Variants in TRPC4 observed in about 807,000 individuals in gnomAD.
TRPC4 encodes short transient receptor potential channel 4.
In TRPC4, 49 loss-of-function variants were observed where a neutral mutation model predicts 99.4. That is an observed-to-expected ratio of 0.49 (90% CI 0.39 to 0.63). The LOEUF (loss-of-function observed/expected upper bound fraction) is 0.63. Ranked by LOEUF, TRPC4 falls within the 20% of genes least tolerant of loss-of-function variation. TRPC4 has a pLI of 0.00. For synonymous variants in TRPC4, 454 were observed against 425.9 expected, an observed-to-expected ratio of 1.07 and a Z score of -0.81; for missense variants, 898 against 1,152.9, an observed-to-expected ratio of 0.78 and a Z score of 3.20.
chr13:37,855,273 A>G (rs903921404), intron 1 of TRPC4, among the ~76,000 whole-genome samples: 1 of 150,160 alleles, frequency 6.7e-6, no homozygotes, highest in Non-Finnish European at 1.5e-5. Context: ...AAAGGAGTCA[A>G]TCCAGCAACA....
At chr13:37,752,162 A>C (rs1955952618) in intron 2 of TRPC4, among the ~76,000 whole-genome samples, 1 of 145,140 alleles carries the variant, frequency 6.9e-6, no homozygotes. Flanking sequence ...CATAAAAATT[A>C]TTTGCTAACT....
intron 8 of TRPC4, among the ~76,000 whole-genome samples, chr13:37,650,635 A>ACACACACACACACACACACACACACACC (rs1952017081): frequency 6.6e-6 from 1 of 151,042 alleles, no homozygotes; most frequent in African/African-American, 2.4e-5. Context: ...ACACACACAC[A>ACACACACACACACACACACACACACACC]TATATATATA....
Position 37,633,427 on chromosome 13 carries a change from A to G in TRPC4, c.*3476T>C, listed in dbSNP as rs1951435342. ...GGACTAAGAATGGACAGATTTCAAAACTTGGTGGCCTCTCTTCAATAAAGA... is the reference window on the plus strand; with the variant it reads ...GGACTAAGAATGGACAGATTTCAAAGCTTGGTGGCCTCTCTTCAATAAAGA... On this transcript the variant is annotated 3_prime_UTR_variant, in exon 11 of 11. Transcript: ENST00000379705. Among the ~76,000 whole-genome samples the G allele has an allele frequency of 6.6e-6, 1 of 152,124 alleles. No individual in the cohort carries two copies. Among genetic ancestry groups the G allele is most frequent in the Non-Finnish European group, 1.5e-5 (1 of 68,018 alleles).
intron 1 of TRPC4, among the ~76,000 whole-genome samples, chr13:37,852,197 C>T (rs1959077036): frequency 6.6e-6 from 1 of 152,218 alleles, no homozygotes; most frequent in African/African-American, 2.4e-5. Flanking sequence ...CAAGGCAGTG[C>T]AACTCACAGG....
Position 37,655,272 on chromosome 13 carries a change from G to A in TRPC4, c.1700C>T (p.Thr567Ile). Residue 567 changes from threonine to isoleucine, a missense_variant, in exon 7 of 11, where the codon ACA becomes ATA. This residue lies in a region of TRPC4 where 274 missense variants were observed against 454.9 expected (regional missense o/e 0.60). Coordinates refer to ENST00000379705, the MANE Select transcript of TRPC4 (RefSeq NM_016179.4). Reference protein sequence around the residue: ...QNNAFSTLFETLQSLFWSIFG... With the variant: ...QNNAFSTLFEILQSLFWSIFG... Reference sequence around the variant, plus strand: ...TATTGACCAAAACAGGGACTGCAGTGTCTCAAATAACCTGTAATAAAGATA... The same window carrying A: ...TATTGACCAAAACAGGGACTGCAGTATCTCAAATAACCTGTAATAAAGATA... 1 of 1,563,038 alleles carries A rather than the reference G, an allele frequency of 6.4e-7. No homozygotes were observed. The highest frequency in any genetic ancestry group is 8.7e-7 in the Non-Finnish European group (1 of 1,152,870).
intron 1 of TRPC4, among the ~76,000 whole-genome samples, chr13:37,824,858 T>G (rs1958151312): frequency 6.6e-6 from 1 of 152,106 alleles, no homozygotes. Flanking sequence ...TACCAGTTCC[T>G]CCTTGTACCT....
intron 3 of TRPC4, among the ~76,000 whole-genome samples, chr13:37,730,768 G>C (rs948616047): frequency 1.3e-5 from 2 of 152,042 alleles, no homozygotes; most frequent in African/African-American, 4.8e-5. Flanking sequence ...TTCTTACTTA[G>C]AGAATTTTTA....
chr13:37,770,065 T>G (rs1353034283), intron 2 of TRPC4, among the ~76,000 whole-genome samples: 1 of 151,524 alleles, frequency 6.6e-6, no homozygotes, highest in Non-Finnish European at 1.5e-5. Flanking sequence ...CCCTGAAATA[T>G]TTCCTTTTAT....
At chr13:37,817,507 G>A (rs764643118) in intron 1 of TRPC4, among the ~76,000 whole-genome samples, 4 of 151,770 alleles carry the variant, frequency 2.6e-5, no homozygotes, top group Non-Finnish European at 5.9e-5. Context: ...GATTCTTCAG[G>A]GTAGTAGAGA....
chr13:37,753,910 G>A (rs1416527169), intron 2 of TRPC4, among the ~76,000 whole-genome samples: 1 of 152,070 alleles, frequency 6.6e-6, no homozygotes, highest in Admixed American at 6.6e-5. Flanking sequence ...GGTTGATAAA[G>A]AGGCTTTTCT....
chr13:37,832,574 T>C (rs900344969), intron 1 of TRPC4, among the ~76,000 whole-genome samples: 22 of 151,914 alleles, frequency 1.4e-4, no homozygotes, highest in African/African-American at 4.8e-4. Context: ...TCAATTTATC[T>C]GAAAGAAGAC....
intron 3 of TRPC4, among the ~76,000 whole-genome samples, chr13:37,737,624 C>T (rs1160779496): frequency 6.6e-6 from 1 of 152,054 alleles, no homozygotes; most frequent in African/African-American, 2.4e-5. Context: ...CAGGCACATG[C>T]CACCATGCCC....
At chr13:37,812,810 C>A (rs1957739905) in intron 1 of TRPC4, among the ~76,000 whole-genome samples, 1 of 151,968 alleles carries the variant, frequency 6.6e-6, no homozygotes, top group Non-Finnish European at 1.5e-5. Flanking sequence ...TACAGCAAGT[C>A]ATGTGATAAT....
rs1593663739 is a variant in TRPC4, at chr13:37,753,653, AG to A, written c.379-7199del. Among the ~76,000 whole-genome samples, 3 of 152,174 alleles carry A rather than the reference AG, an allele frequency of 2.0e-5. No homozygotes were observed. In the East Asian group the frequency reaches 5.8e-4, roughly 30 times the overall value. On this transcript the variant is annotated intron_variant, in intron 2 of 10. Transcript: ENST00000379705. ...GAAACATGAGGTAGAATTAATTTAA[AG>A]CAAACATATCAGAGAAGAAGAGATC... is the stretch of plus-strand genomic sequence containing the variant.
At chr13:37,695,542 C>A (rs1410933508) in intron 3 of TRPC4, among the ~76,000 whole-genome samples, 1 of 152,184 alleles carries the variant, frequency 6.6e-6, no homozygotes, top group Non-Finnish European at 1.5e-5. Context: ...TTCATTACAG[C>A]CGTTCTTTCT....
intron 1 of TRPC4, among the ~76,000 whole-genome samples, chr13:37,785,307 A>C (rs1307156636): frequency 1.3e-5 from 2 of 152,008 alleles, no homozygotes; most frequent in Non-Finnish European, 2.9e-5. Flanking sequence ...TCTCATTCCC[A>C]GGTCAGAGTC....
At chr13:37,641,080 G>A (rs1951700871) in intron 8 of TRPC4, among the ~76,000 whole-genome samples, 1 of 152,080 alleles carries the variant, frequency 6.6e-6, no homozygotes, top group African/African-American at 2.4e-5. Context: ...AGAAAATTAT[G>A]AGTAATAAGT....
intron 1 of TRPC4, among the ~76,000 whole-genome samples, chr13:37,851,913 C>T (rs1959068636): frequency 6.6e-6 from 1 of 152,190 alleles, no homozygotes; most frequent in South Asian, 2.1e-4. Flanking sequence ...TGGACTCAGC[C>T]AGTGCCTGTG....
intron 1 of TRPC4, among the ~76,000 whole-genome samples, chr13:37,833,509 A>C (rs1958479497): frequency 6.6e-6 from 1 of 152,148 alleles, no homozygotes; most frequent in Non-Finnish European, 1.5e-5. Flanking sequence ...CGATCTTAAA[A>C]ATGAAAAGAT....
Sources: allele counts gnomAD v4.1 joint callset (sites outside exome capture counted in the v4.1 genomes callset), GRCh38; gene constraint gnomAD v4.1.1; regional missense constraint gnomAD v4.1.1; transcripts MANE v1.5; gene names NCBI Gene and HGNC (gene_info 2026-07-23, HGNC 2026-07-21).